The following SVIL variants were observed in gnomAD, a reference collection of about 807,000 sequenced individuals.
The protein encoded by SVIL is supervillin, also known as archvillin.
A neutral mutation model predicts 240.4 loss-of-function variants in SVIL; 101 were observed. That is an observed-to-expected ratio of 0.42 (90% confidence interval 0.36 to 0.50). The LOEUF (loss-of-function observed/expected upper bound fraction) is 0.50, where lower values mean the gene tolerates loss of function less well. SVIL is among the 20% of genes least tolerant of loss of function. SVIL has a pLI of 0.01. For missense variants in SVIL, 2,512 were observed against 2,818.7 expected (o/e 0.89, Z 2.46); for synonymous variants, 999 against 1,100.0 (o/e 0.91, Z 1.82).
rs1403256615 is a variant in SVIL at position 29,735,293 on chromosome 10, G to A, written c.-400+458C>T. 6.6e-6 allele frequency among the ~76,000 whole-genome samples: 1 copy of A among 151,830 alleles called. No homozygotes were observed. The highest frequency in any genetic ancestry group is 2.0e-4 in the East Asian group (1 of 5,118). On this transcript the variant is annotated intron_variant, in intron 1 of 35. Coordinates refer to the SVIL transcript ENST00000375400. The surrounding 1 kb of genome is among the most constrained non-coding windows in gnomAD (Gnocchi z 4.1). ...GCCACCGCAGCTCCGGCCACTTGCG[G>A]CTGGTGTCGGGAAAGGAACCGGGCG... is the stretch of plus-strand genomic sequence containing the variant.
chr10:29,572,606 A>G (rs1955478503), intron 1 of SVIL, among the ~76,000 whole-genome samples: 1 of 152,074 alleles, frequency 6.6e-6, no homozygotes, highest in Admixed American at 6.6e-5. Flanking sequence ...CTCTACAAAA[A>G]ATAAAAAATG....
At position 29,592,830 on chromosome 10, in the gene SVIL, AAGGC is replaced by A; in HGVS notation, c.-200-23522_-200-23519del. Among the ~76,000 whole-genome samples the A allele has an allele frequency of 2.0e-5, 3 of 152,308 alleles. No homozygotes were observed. The South Asian group carries it at 6.2e-4, about 32-fold the overall frequency. On this transcript the variant is annotated intron_variant, in intron 1 of 37. Transcript: ENST00000355867. ...TCATCTAAATATTTCCTTCATGATC[AAGGC>A]CTAGATTAAAGTTCATTCTAATGAC...
intron 18 of SVIL, among the ~76,000 whole-genome samples, chr10:29,498,108 A>AG (rs1948597651): frequency 2.7e-5 from 4 of 148,422 alleles, no homozygotes; most frequent in African/African-American, 1.0e-4. Flanking sequence ...AAAAAAAAAA[A>AG]AAAAAAAAAG....
chr10:29,509,335 GAGAGAGAGAGA>G (rs1949630845), intron 17 of SVIL, among the ~76,000 whole-genome samples: 1 of 47,118 alleles, frequency 2.1e-5, no homozygotes. Context: ...GGGAGGGAGA[GAGAGAGAGAGA>G]GAGAGAGAGA....
At chr10:29,547,660 T>A (rs972525121) in intron 6 of SVIL, among the ~76,000 whole-genome samples, 1 of 152,226 alleles carries the variant, frequency 6.6e-6, no homozygotes, top group African/African-American at 2.4e-5. Context: ...ATATGAAGTA[T>A]CCTGTCTTTA....
chr10:29,681,818 C>T (rs768827404), intron 2 of SVIL, among the ~76,000 whole-genome samples: 4 of 151,928 alleles, frequency 2.6e-5, no homozygotes, highest in African/African-American at 4.9e-5. Flanking sequence ...GCTGCTTCTG[C>T]GCTTCCTTGT....
intron 1 of SVIL, among the ~76,000 whole-genome samples, chr10:29,723,310 G>T (rs186914749): frequency 6.6e-6 from 1 of 152,364 alleles, no homozygotes; most frequent in African/African-American, 2.4e-5. Context: ...AGCCCAGGAG[G>T]CAGAGGTTGC....
Position 29,735,211 on chromosome 10 carries a change from A to T in SVIL, c.-400+540T>A, listed in dbSNP as rs539989003. Among the ~76,000 whole-genome samples the T allele has an allele frequency of 4.6e-5, 7 of 152,186 alleles. No homozygotes were observed. The highest frequency in any genetic ancestry group is 8.8e-5 in the Non-Finnish European group (6 of 67,968). On this transcript the variant is annotated intron_variant, in intron 1 of 35. Transcript: ENST00000375400. This position sits in a 1 kb window ranked among gnomAD's most constrained non-coding sequence, Gnocchi z 4.1. ...GCCTGGCGCACCACGCATCGGGTTC[A>T]AACCCGCGCGGGCCCTGCGGAGGCG...
chr10:29,606,035 C>G (rs958945035), intron 1 of SVIL, among the ~76,000 whole-genome samples: 1 of 152,056 alleles, frequency 6.6e-6, no homozygotes, highest in Non-Finnish European at 1.5e-5. Context: ...CTCAGCCTCC[C>G]GAGTAGCTGG....
rs533050481 is a variant in SVIL, at chr10:29,596,806, G to T, written c.-200-27494C>A. 2.6e-5 allele frequency among the ~76,000 whole-genome samples: 4 copies of T among 152,288 alleles called. No individual in the cohort carries two copies. In the South Asian group the frequency reaches 8.3e-4, roughly 32 times the overall value. Reference sequence around the variant, plus strand: ...GCATGCAGAATGCTTTCCATATCTCGTTTCATCTTCACACCGCATAAATGG... The same window carrying T: ...GCATGCAGAATGCTTTCCATATCTCTTTTCATCTTCACACCGCATAAATGG... On this transcript the variant is annotated intron_variant, in intron 1 of 37. Transcript: ENST00000355867.
At chr10:29,577,445 A>G (rs1414836657) in intron 1 of SVIL, among the ~76,000 whole-genome samples, 1 of 152,150 alleles carries the variant, frequency 6.6e-6, no homozygotes, top group Non-Finnish European at 1.5e-5. Flanking sequence ...TTGGTTTTCC[A>G]TTCCTGAGTT....
intron 1 of SVIL, among the ~76,000 whole-genome samples, chr10:29,612,920 G>T (rs906428656): frequency 6.6e-6 from 1 of 152,114 alleles, no homozygotes; most frequent in Non-Finnish European, 1.5e-5. Context: ...GTTCACGCTT[G>T]TAATCCCAGC....
chr10:29,701,244 GAAGA>G (rs1462151729), intron 1 of SVIL, among the ~76,000 whole-genome samples: 1 of 152,064 alleles, frequency 6.6e-6, no homozygotes, highest in Non-Finnish European at 1.5e-5. Context: ...AGTAGCACTA[GAAGA>G]AAGATGGTCT....
intron 1 of SVIL, among the ~76,000 whole-genome samples, chr10:29,597,689 C>A (rs1352467596): frequency 6.6e-6 from 1 of 152,096 alleles, no homozygotes; most frequent in Non-Finnish European, 1.5e-5. Context: ...CGTGAACCAC[C>A]ACGCCAGGCC....
At chr10:29,486,664 T>C (rs1947430575) in intron 24 of SVIL, 107 bp from the exon 25 acceptor site, 2 of 1,349,336 alleles carry the variant, frequency 1.5e-6, no homozygotes, top group Non-Finnish European at 2.0e-6. Context: ...AAGGAAAGCC[T>C]TGTGACCACG....
At chr10:29,478,344 C>T (rs1476683967) in intron 29 of SVIL, among the ~76,000 whole-genome samples, 2 of 152,226 alleles carry the variant, frequency 1.3e-5, no homozygotes, top group Non-Finnish European at 2.9e-5. Flanking sequence ...TTACGCTGTT[C>T]CTGCTGACAA....
In SVIL at chr10:29,487,498, G is replaced by A. The variant is rs371223631; in HGVS notation, c.4349-199C>T. The A allele has an allele frequency of 5.0e-6, 3 of 604,668 alleles. No individual in the cohort carries two copies. In the African/African-American group the frequency reaches 5.6e-5, roughly 11 times the overall value. The allele number at this position is 604,668 out of a possible 1,614,324, so 37.5% of individuals were successfully genotyped here. A position where few individuals can be genotyped will look rare whatever the true frequency, so the allele number is the denominator to read the frequency against. Reference sequence around the variant, plus strand: ...GCACTAGCGGCTGCTTTCCTGGTTTGTGCTTTCCCAAATGTCACCCACTTC... The same window carrying A: ...GCACTAGCGGCTGCTTTCCTGGTTTATGCTTTCCCAAATGTCACCCACTTC... On this transcript the variant is annotated intron_variant, in intron 23 of 37. Coordinates refer to ENST00000355867, the MANE Select transcript of SVIL (RefSeq NM_021738.3).
chr10:29,475,763 G>T (rs1322843319), intron 29 of SVIL, among the ~76,000 whole-genome samples: 1 of 152,180 alleles, frequency 6.6e-6, no homozygotes, highest in African/African-American at 2.4e-5. Context: ...AGCAGTTGGT[G>T]GGAACACCCA....
chr10:29,602,751 C>T (rs946764731), intron 1 of SVIL, among the ~76,000 whole-genome samples: 3 of 151,942 alleles, frequency 2.0e-5, no homozygotes, highest in Non-Finnish European at 2.9e-5. Flanking sequence ...TTCGGGGGGC[C>T]GAGGCAGTTG....
Sources: allele counts gnomAD v4.1 joint callset (sites outside exome capture counted in the v4.1 genomes callset), GRCh38; gene constraint gnomAD v4.1.1; non-coding constraint Gnocchi (gnomAD v3.1); transcripts MANE v1.5; gene names NCBI Gene and HGNC (gene_info 2026-07-23, HGNC 2026-07-21).